RYR2: variants seen among roughly 807,000 people sequenced by gnomAD.
The protein encoded by RYR2 is cardiac muscle ryanodine receptor-calcium release channel.
Under a neutral mutation model 601.1 loss-of-function variants are expected in RYR2, and 227 were observed. The ratio of observed to expected loss-of-function variants is 0.38; its 90% confidence interval spans 0.34 to 0.42. The LOEUF (loss-of-function observed/expected upper bound fraction) is 0.42, where lower values mean the gene tolerates loss of function less well. RYR2 is among the 10% of genes least tolerant of loss of function. The pLI is 1.00. For synonymous variants in RYR2, 2,223 were observed against 2,175.1 expected, an observed-to-expected ratio of 1.02 and a Z score of -0.61; for missense variants, 4,646 against 6,156.5, an observed-to-expected ratio of 0.75 and a Z score of 8.21.
chr1:237,770,629 C>G (rs1167471501), intron 84 of RYR2, among the ~76,000 whole-genome samples, 178 bp from the exon 85 acceptor site: 1 of 152,180 alleles, frequency 6.6e-6, no homozygotes, highest in Non-Finnish European at 1.5e-5. Context: ...GAAAAAGTGC[C>G]TCTATCTGCC....
intron 29 of RYR2, 75 bp downstream of exon 29, chr1:237,569,394 G>A (rs957838343): frequency 6.8e-7 from 1 of 1,464,714 alleles, no homozygotes; most frequent in South Asian, 1.2e-5. Flanking sequence ...TTCCTAACCG[G>A]GCGTTTCTGT....
intron 2 of RYR2, among the ~76,000 whole-genome samples, chr1:237,298,927 G>C (rs927975704): frequency 1.3e-5 from 2 of 152,050 alleles, no homozygotes; most frequent in African/African-American, 2.4e-5. Context: ...TTGAGCCCAG[G>C]AATTTGAAGT....
rs909650385 is a variant in RYR2 at position 237,733,646 on chromosome 1, C to G, written c.11040-59C>G. 3 of 1,053,562 alleles carry G rather than the reference C, an allele frequency of 2.8e-6. No individual in the cohort carries two copies. In the South Asian group the frequency reaches 3.8e-5, roughly 13 times the overall value. The allele number at this position is 1,053,562 out of a possible 1,614,324, so 65.3% of individuals were successfully genotyped here. A position where few individuals can be genotyped will look rare whatever the true frequency, so the allele number is the denominator to read the frequency against. ...AAGGTTATTTTAAGCAGCGATGATACGTGTGCATGTGCCTAGCCTTCTGCT... is the reference window on the plus strand; with the variant it reads ...AAGGTTATTTTAAGCAGCGATGATAGGTGTGCATGTGCCTAGCCTTCTGCT... On this transcript the variant is annotated intron_variant, in intron 78 of 104. Coordinates refer to ENST00000366574, the MANE Select transcript of RYR2 (RefSeq NM_001035.3).
chr1:237,114,367 AT>A (rs1669828446), intron 1 of RYR2, among the ~76,000 whole-genome samples: 1 of 152,202 alleles, frequency 6.6e-6, no homozygotes, highest in Non-Finnish European at 1.5e-5. Flanking sequence ...TAACATTTTT[AT>A]TGACAAGACA....
intron 1 of RYR2, among the ~76,000 whole-genome samples, chr1:237,146,590 A>G (rs955616274): frequency 2.0e-5 from 3 of 152,284 alleles, no homozygotes; most frequent in Middle Eastern, 3.4e-3. Context: ...TGACTAGTTC[A>G]ATTGTGACAA....
At chr1:237,163,355 A>ACC (rs67343728) in intron 1 of RYR2, among the ~76,000 whole-genome samples, 3 of 90,282 alleles carry the variant, frequency 3.3e-5, no homozygotes, top group Non-Finnish European at 6.1e-5. Flanking sequence ...CCAACCCCCT[A>ACC]CCCCCCCCAC....
chr1:237,661,697 C>T (rs77377851), intron 56 of RYR2, among the ~76,000 whole-genome samples: 1,799 of 152,108 alleles, frequency 0.012, 26 homozygotes, highest in African/African-American at 0.039. Context: ...GGCACAAGGG[C>T]GCTCCTGTCT....
intron 29 of RYR2, among the ~76,000 whole-genome samples, chr1:237,569,866 C>T (rs1471511126): frequency 6.6e-6 from 1 of 152,146 alleles, no homozygotes; most frequent in Non-Finnish European, 1.5e-5. Flanking sequence ...AAGCACCATG[C>T]AGGGAGCACG....
At chr1:237,279,304 C>T (rs1690611821) in intron 2 of RYR2, among the ~76,000 whole-genome samples, 1 of 152,132 alleles carries the variant, frequency 6.6e-6, no homozygotes, top group Admixed American at 6.5e-5. Flanking sequence ...CAATGGTTAA[C>T]ACAAATCATT....
intron 1 of RYR2, among the ~76,000 whole-genome samples, chr1:237,263,783 G>A (rs1276313079): frequency 6.6e-6 from 1 of 152,134 alleles, no homozygotes; most frequent in Non-Finnish European, 1.5e-5. Context: ...CTTCCTGTGA[G>A]CCAGCATTCT....
chr1:237,692,305 A>G (rs1054967181), intron 63 of RYR2, among the ~76,000 whole-genome samples: 1 of 152,206 alleles, frequency 6.6e-6, no homozygotes. Context: ...AACCCAGACC[A>G]ATATGCAAAC....
At chr1:237,284,696 A>ACACACACACACC in intron 2 of RYR2, among the ~76,000 whole-genome samples, 1 of 148,164 alleles carries the variant, frequency 6.7e-6, no homozygotes, top group Non-Finnish European at 1.5e-5. Flanking sequence ...ACACACACAC[A>ACACACACACACC]CCCATAAACA....
At chr1:237,277,016 T>C (rs1211580272) in intron 2 of RYR2, among the ~76,000 whole-genome samples, 4 of 152,154 alleles carry the variant, frequency 2.6e-5, no homozygotes, top group Non-Finnish European at 4.4e-5. Context: ...GATACAGAAA[T>C]TTTCTGAGAT....
intron 12 of RYR2, among the ~76,000 whole-genome samples, chr1:237,431,907 G>A (rs1216566289): frequency 5.3e-5 from 8 of 152,076 alleles, no homozygotes; most frequent in Non-Finnish European, 7.4e-5. Flanking sequence ...ATTTCTGTGC[G>A]ACTCATCAAC....
intron 1 of RYR2, among the ~76,000 whole-genome samples, chr1:237,229,508 C>T (rs1181585180): frequency 6.6e-6 from 1 of 152,086 alleles, no homozygotes; most frequent in Non-Finnish European, 1.5e-5. Flanking sequence ...GTAAACATCC[C>T]AGAGTTCCTG....
intron 1 of RYR2, among the ~76,000 whole-genome samples, chr1:237,063,888 C>A (rs1018177953): frequency 1.3e-5 from 2 of 152,178 alleles, no homozygotes; most frequent in African/African-American, 4.8e-5. Flanking sequence ...CCCCCGACCC[C>A]ACCCCCAGCA....
At chr1:237,169,406 C>G (rs750180273) in intron 1 of RYR2, among the ~76,000 whole-genome samples, 5 of 151,988 alleles carry the variant, frequency 3.3e-5, no homozygotes, top group Non-Finnish European at 7.4e-5. Context: ...TCAAGCAATT[C>G]TCCTGCCTCA....
At chr1:237,831,225 A>G (rs1663750007) in intron 103 of RYR2, among the ~76,000 whole-genome samples, 1 of 152,188 alleles carries the variant, frequency 6.6e-6, no homozygotes, top group South Asian at 2.1e-4. Context: ...AGTAAATTAC[A>G]ACTTCTCATT....
Position 237,646,178 on chromosome 1 carries a change from A to C in RYR2, c.7343-2266A>C, listed in dbSNP as rs559816670. On this transcript the variant is annotated intron_variant, in intron 48 of 104. Coordinates refer to ENST00000366574, the MANE Select transcript of RYR2 (RefSeq NM_001035.3). ...AGGTGTGAGCCACCGTGCCCGGCCAAATCTCTGCTTTTTTCAGCCAGGTGT... is the reference window on the plus strand; with the variant it reads ...AGGTGTGAGCCACCGTGCCCGGCCACATCTCTGCTTTTTTCAGCCAGGTGT... Among the ~76,000 whole-genome samples, 13 of 151,754 alleles carry C rather than the reference A, an allele frequency of 8.6e-5. No individual in the cohort carries two copies. The East Asian group carries it at 1.2e-3, about 14-fold the overall frequency.
Sources: allele counts gnomAD v4.1 joint callset (sites outside exome capture counted in the v4.1 genomes callset), GRCh38; gene constraint gnomAD v4.1.1; transcripts MANE v1.5; gene names NCBI Gene and HGNC (gene_info 2026-07-23, HGNC 2026-07-21).